Variants in SUPT3H observed in about 807,000 individuals in gnomAD.
SUPT3H encodes SPT3 homolog, SAGA and STAGA complex component, also known as transcription initiation protein SPT3 homolog.
SUPT3H carries 44 observed loss-of-function variants against 44.3 expected under a neutral mutation model. That is an observed-to-expected ratio of 0.99 (90% CI 0.78 to 1.28). SUPT3H has a LOEUF of 1.28. Among genes scored for constraint, SUPT3H ranks in the 50% most tolerant of loss-of-function variants. SUPT3H has a pLI of 0.00. For missense variants in SUPT3H, 380 were observed against 387.1 expected, an observed-to-expected ratio of 0.98 and a Z score of 0.15; for synonymous variants, 124 against 125.6, an observed-to-expected ratio of 0.99 and a Z score of 0.09.
chr6:45,200,334 T>G (rs1387344261), intron 2 of SUPT3H, among the ~76,000 whole-genome samples: 1 of 150,758 alleles, frequency 6.6e-6, no homozygotes, highest in Admixed American at 6.6e-5. Flanking sequence ...TTCTAGTAAG[T>G]TACCATTAAA....
intron 2 of SUPT3H, among the ~76,000 whole-genome samples, chr6:45,348,828 A>C (rs144980419): frequency 2.6e-5 from 4 of 152,188 alleles, no homozygotes; most frequent in African/African-American, 9.6e-5. Context: ...ATTCCTATCG[A>C]TCCTTCATGT....
At chr6:45,082,766 C>G (rs1014403993) in intron 3 of SUPT3H, among the ~76,000 whole-genome samples, 3 of 152,088 alleles carry the variant, frequency 2.0e-5, no homozygotes, top group Admixed American at 6.6e-5. Flanking sequence ...ACTGGAAGTC[C>G]TAACCAGAGC....
intron 3 of SUPT3H, among the ~76,000 whole-genome samples, chr6:45,024,976 C>T (rs1785735555): frequency 6.6e-6 from 1 of 152,228 alleles, no homozygotes; most frequent in South Asian, 2.1e-4. Context: ...TAAACATCTA[C>T]ACATTGGCTT....
chr6:45,064,126 C>G (rs1583332910), intron 3 of SUPT3H, among the ~76,000 whole-genome samples: 1 of 90,326 alleles, frequency 1.1e-5, no homozygotes, highest in Non-Finnish European at 2.1e-5. Context: ...AGAAACCCTA[C>G]AAGCCAGAAG....
chr6:45,171,856 T>G (rs1378911761), intron 2 of SUPT3H, among the ~76,000 whole-genome samples: 1 of 150,438 alleles, frequency 6.6e-6, no homozygotes, highest in Non-Finnish European at 1.5e-5. Context: ...TAGCTGGGAC[T>G]AAAGGCATGC....
chr6:44,865,254 G>A lies in SUPT3H; in HGVS notation c.913-35397C>T, dbSNP rs1379437137. Among the ~76,000 whole-genome samples, 5 of 152,272 alleles carry A rather than the reference G, an allele frequency of 3.3e-5. No individual in the cohort carries two copies. In the East Asian group the frequency reaches 7.7e-4, roughly 24 times the overall value. On this transcript the variant is annotated intron_variant, in intron 10 of 10. Transcript: ENST00000371459. The stretch of plus-strand genomic sequence containing the variant: ...CATTTTGGTCAAAGCCATTCAGCAA[G>A]TCTCTAGAGAGTTCCAAACTTTCCT...
intron 10 of SUPT3H, among the ~76,000 whole-genome samples, chr6:44,909,259 CTCAATTTA>C (rs1215548745): frequency 1.3e-5 from 2 of 151,832 alleles, no homozygotes; most frequent in African/African-American, 4.8e-5. Context: ...TTCTAGGCTG[CTCAATTTA>C]TCTATTTATG....
intron 2 of SUPT3H, among the ~76,000 whole-genome samples, chr6:45,206,938 G>A (rs1251751341): frequency 6.6e-6 from 1 of 152,108 alleles, no homozygotes; most frequent in Non-Finnish European, 1.5e-5. Context: ...TTCAATATGT[G>A]AACAAGGAGT....
chr6:44,950,591 C>G (rs1221581250), intron 9 of SUPT3H, among the ~76,000 whole-genome samples: 1 of 152,038 alleles, frequency 6.6e-6, no homozygotes, highest in Non-Finnish European at 1.5e-5. Context: ...CCACTGCACT[C>G]CAGCCTGGGC....
At chr6:44,936,918 C>A (rs542498927) in intron 9 of SUPT3H, among the ~76,000 whole-genome samples, 1 of 152,028 alleles carries the variant, frequency 6.6e-6, no homozygotes, top group Admixed American at 6.5e-5. Context: ...CCACCTGCCT[C>A]GGCCTCCCAA....
chr6:45,363,188 T>C (rs947460431), intron 2 of SUPT3H, among the ~76,000 whole-genome samples: 5 of 152,134 alleles, frequency 3.3e-5, no homozygotes, highest in African/African-American at 1.2e-4. Flanking sequence ...AAGGCTTCAA[T>C]AGACAACAGA....
intron 9 of SUPT3H, among the ~76,000 whole-genome samples, chr6:44,945,453 A>C (rs987283423): frequency 1.3e-5 from 2 of 152,200 alleles, no homozygotes; most frequent in Non-Finnish European, 2.9e-5. Flanking sequence ...CAAATAGCCA[A>C]GCTGTGAGTG....
At chr6:44,912,861 C>CAGTA (rs2153453632) in intron 10 of SUPT3H, among the ~76,000 whole-genome samples, 1 of 152,288 alleles carries the variant, frequency 6.6e-6, no homozygotes, top group East Asian at 1.9e-4. Flanking sequence ...GGTGAGGAGG[C>CAGTA]ACCATAGATG....
intron 9 of SUPT3H, among the ~76,000 whole-genome samples, chr6:44,945,462 T>C (rs1773188332): frequency 1.3e-5 from 2 of 152,142 alleles, no homozygotes; most frequent in African/African-American, 4.8e-5. Flanking sequence ...AAGCTGTGAG[T>C]GCCAAGGCAA....
intron 3 of SUPT3H, among the ~76,000 whole-genome samples, chr6:45,105,584 T>G (rs1352866697): frequency 1.3e-5 from 2 of 152,160 alleles, no homozygotes; most frequent in Non-Finnish European, 2.9e-5. Flanking sequence ...ACTTTATTGT[T>G]ACAAAATGCT....
chr6:44,973,620 C>T (rs1162720411), intron 6 of SUPT3H, among the ~76,000 whole-genome samples: 1 of 152,184 alleles, frequency 6.6e-6, no homozygotes, highest in Non-Finnish European at 1.5e-5. Flanking sequence ...GGTATTTTTA[C>T]AGCAGCACAC....
At chr6:45,241,549 A>G (rs1770328952) in intron 2 of SUPT3H, among the ~76,000 whole-genome samples, 1 of 152,156 alleles carries the variant, frequency 6.6e-6, no homozygotes, top group Non-Finnish European at 1.5e-5. Flanking sequence ...CTTGAGGCCA[A>G]TAAATATGTG....
At position 44,832,135 on chromosome 6, in the gene SUPT3H, C is replaced by CAATT. The variant is rs1275226581; in HGVS notation, c.913-2282_913-2279dup. ...AAGGATGTACATTGTCTATGTAGGG[C>CAATT]AATTATGGGAACGTCCCAACTTTGG... On this transcript the variant is annotated intron_variant, in intron 10 of 10. Transcript: ENST00000371459. 2.0e-5 allele frequency among the ~76,000 whole-genome samples: 3 copies of CAATT among 149,712 alleles called. No homozygotes were observed. In the East Asian group the frequency reaches 6.0e-4, roughly 30 times the overall value.
intron 5 of SUPT3H, among the ~76,000 whole-genome samples, chr6:45,013,371 C>G (rs1783777370): frequency 2.6e-5 from 4 of 152,030 alleles, no homozygotes; most frequent in Admixed American, 2.6e-4. Context: ...AACTTCCACA[C>G]ACTCTGTTCC....
Sources: allele counts gnomAD v4.1 joint callset (sites outside exome capture counted in the v4.1 genomes callset), GRCh38; gene constraint gnomAD v4.1.1; transcripts MANE v1.5; gene names NCBI Gene and HGNC (gene_info 2026-07-23, HGNC 2026-07-21).